The following NDUFAF2 variants were observed in gnomAD, a reference collection of about 807,000 sequenced individuals.
NDUFAF2 encodes the protein NADH dehydrogenase [ubiquinone] 1 alpha subcomplex assembly factor 2.
Under a neutral mutation model 22.8 loss-of-function variants are expected in NDUFAF2, and 13 were observed. That is an observed-to-expected ratio of 0.57 (90% CI 0.37 to 0.91). The LOEUF (loss-of-function observed/expected upper bound fraction) is 0.91, where lower values mean the gene tolerates loss of function less well. Ranked by LOEUF, NDUFAF2 falls within the 40% of genes least tolerant of loss-of-function variation. The probability of loss-of-function intolerance (pLI) is 0.01; values close to 1 mark genes in which losing one functional copy is unlikely to be tolerated. For missense variants in NDUFAF2, 162 were observed against 195.2 expected (o/e 0.83, Z 1.01); for synonymous variants, 53 against 64.2 (o/e 0.83, Z 0.84).
intron 2 of NDUFAF2, among the ~76,000 whole-genome samples, chr5:61,075,447 C>T (rs1669201632): frequency 6.6e-6 from 1 of 152,142 alleles, no homozygotes; most frequent in Non-Finnish European, 1.5e-5. Context: ...TTTTAGCAGA[C>T]TCTCCAGTGT....
chr5:60,971,310 CAG>C (rs1267861360), intron 1 of NDUFAF2, among the ~76,000 whole-genome samples: 1 of 145,592 alleles, frequency 6.9e-6, no homozygotes, highest in Non-Finnish European at 1.5e-5. Context: ...TTTTTTGAGA[CAG>C]AGTCTGGCTC....
At chr5:61,120,826 G>A (rs1344290360) in intron 3 of NDUFAF2, among the ~76,000 whole-genome samples, 1 of 151,990 alleles carries the variant, frequency 6.6e-6, no homozygotes, top group African/African-American at 2.4e-5. Flanking sequence ...GTTAAAATGA[G>A]GTTAGGTGTT....
chr5:61,149,822 A>G (rs1741200663), intron 3 of NDUFAF2, among the ~76,000 whole-genome samples: 1 of 152,230 alleles, frequency 6.6e-6, no homozygotes, highest in Non-Finnish European at 1.5e-5. Context: ...GTATTTGCAA[A>G]TAGACTTTCT....
rs116229150 is a variant in NDUFAF2 at position 61,152,008 on chromosome 5, G to A, written c.259-696G>A. 8.9e-4 allele frequency among the ~76,000 whole-genome samples: 135 copies of A among 152,316 alleles called. 1 individual carries two copies. The highest frequency in any genetic ancestry group is 1.7e-3 in the Non-Finnish European group (114 of 68,026). The stretch of plus-strand genomic sequence containing the variant: ...ATGGTCTTTTATTCAAGGAAATACA[G>A]TAACAAAGGATTGATTGTAATTTTG... On this transcript the variant is annotated intron_variant, in intron 3 of 3. Transcript: ENST00000296597.
rs576165758 is a variant in NDUFAF2, at chr5:60,978,333, A to G, written c.127+32951A>G. On this transcript the variant is annotated intron_variant, in intron 1 of 3. Coordinates refer to ENST00000296597, the MANE Select transcript of NDUFAF2 (RefSeq NM_174889.5). ...TGTATTAGTCTGTTCTCACACTGCT[A>G]TAAAGAAATACCTGAGACTGGGTAA... Among the ~76,000 whole-genome samples, 21 of 152,298 alleles carry G rather than the reference A, an allele frequency of 1.4e-4. No homozygotes were observed. In the South Asian group the frequency reaches 2.7e-3, roughly 20 times the overall value.
At chr5:60,977,575 C>T (rs942567938) in intron 1 of NDUFAF2, among the ~76,000 whole-genome samples, 3 of 152,052 alleles carry the variant, frequency 2.0e-5, no homozygotes, top group South Asian at 2.1e-4. Context: ...TGGTGGCTCA[C>T]ACCAGTAATC....
At chr5:60,980,434 A>G (rs1481377362) in intron 1 of NDUFAF2, among the ~76,000 whole-genome samples, 4 of 152,174 alleles carry the variant, frequency 2.6e-5, no homozygotes, top group Admixed American at 2.6e-4. Flanking sequence ...GAAGGAATTC[A>G]GTATTCTATG....
intron 3 of NDUFAF2, among the ~76,000 whole-genome samples, chr5:61,140,368 A>G (rs1193837275): frequency 6.6e-6 from 1 of 152,168 alleles, no homozygotes; most frequent in African/African-American, 2.4e-5. Flanking sequence ...GTGGCCTGCT[A>G]TCCGATTTCT....
At chr5:60,946,647 T>G (rs1170840660) in intron 1 of NDUFAF2, among the ~76,000 whole-genome samples, 2 of 152,224 alleles carry the variant, frequency 1.3e-5, no homozygotes, top group Non-Finnish European at 2.9e-5. Flanking sequence ...CAGACTGAGT[T>G]TTTTTAAATT....
At chr5:61,127,969 G>A (rs1753058355) in intron 3 of NDUFAF2, among the ~76,000 whole-genome samples, 7 of 152,130 alleles carry the variant, frequency 4.6e-5, no homozygotes, top group Admixed American at 3.9e-4. Flanking sequence ...TAAAATCAAT[G>A]TGCGAAAATC....
chr5:60,953,248 A>G (rs1750570982), intron 1 of NDUFAF2, among the ~76,000 whole-genome samples: 1 of 152,176 alleles, frequency 6.6e-6, no homozygotes, highest in Non-Finnish European at 1.5e-5. Context: ...CTTACAGAGG[A>G]AGAAAGACGA....
At chr5:61,013,079 A>G (rs1751460651) in intron 1 of NDUFAF2, among the ~76,000 whole-genome samples, 1 of 152,130 alleles carries the variant, frequency 6.6e-6, no homozygotes, top group Non-Finnish European at 1.5e-5. Flanking sequence ...AAAAAAAATT[A>G]TCTTCATATT....
chr5:61,038,087 GAA>G (rs1561547881), intron 1 of NDUFAF2, among the ~76,000 whole-genome samples: 1 of 15,666 alleles, frequency 6.4e-5, no homozygotes, highest in African/African-American at 2.3e-4. Context: ...GGAGGCGGGG[GAA>G]GAGAGAGAGA....
intron 1 of NDUFAF2, among the ~76,000 whole-genome samples, chr5:60,964,466 T>C (rs936980382): frequency 1.3e-5 from 2 of 151,806 alleles, no homozygotes; most frequent in African/African-American, 4.8e-5. Context: ...TTTTTTTTTT[T>C]TGGAGACCGA....
intron 1 of NDUFAF2, among the ~76,000 whole-genome samples, chr5:60,975,500 A>G (rs1750890771): frequency 6.6e-6 from 1 of 152,170 alleles, no homozygotes; most frequent in Admixed American, 6.5e-5. Flanking sequence ...ATGAGCCTGG[A>G]ATTTAGGAGA....
chr5:61,114,803 G>A (rs1045562661), intron 3 of NDUFAF2: 1 of 152,152 alleles, frequency 6.6e-6, no homozygotes, highest in Non-Finnish European at 1.5e-5. Context: ...ACTTGTAGAA[G>A]TATTGTCTTG....
At chr5:60,952,356 G>A (rs1470973976) in intron 1 of NDUFAF2, among the ~76,000 whole-genome samples, 4 of 151,252 alleles carry the variant, frequency 2.6e-5, no homozygotes, top group Non-Finnish European at 5.9e-5. Flanking sequence ...ATTTCTTGTA[G>A]GCACTGTTTT....
At chr5:61,121,689 T>A (rs72759234) in intron 3 of NDUFAF2, among the ~76,000 whole-genome samples, 1 of 152,226 alleles carries the variant, frequency 6.6e-6, no homozygotes, top group Non-Finnish European at 1.5e-5. Context: ...TCAGTATACT[T>A]TGAGTGAAGC....
chr5:61,046,288 C>T lies in NDUFAF2; in HGVS notation c.128-26837C>T, dbSNP rs534311148. Among the ~76,000 whole-genome samples, 5 of 152,014 alleles carry T rather than the reference C, an allele frequency of 3.3e-5. No individual in the cohort carries two copies. The South Asian group carries it at 1.0e-3, about 32-fold the overall frequency. Reference sequence around the variant, plus strand: ...CTGTGTTTTCTTTTCTTGTAGTATCCTTGTCTGGTTTTTAGTATTAGGGTA... The same window carrying T: ...CTGTGTTTTCTTTTCTTGTAGTATCTTTGTCTGGTTTTTAGTATTAGGGTA... On this transcript the variant is annotated intron_variant, in intron 1 of 3. Coordinates refer to ENST00000296597, the MANE Select transcript of NDUFAF2 (RefSeq NM_174889.5).
Sources: allele counts gnomAD v4.1 joint callset (sites outside exome capture counted in the v4.1 genomes callset), GRCh38; gene constraint gnomAD v4.1.1; transcripts MANE v1.5; gene names NCBI Gene and HGNC (gene_info 2026-07-23, HGNC 2026-07-21).